The following SND1 variants were observed in gnomAD, a reference collection of about 807,000 sequenced individuals.
The protein encoded by SND1 is staphylococcal nuclease domain-containing protein 1.
Under a neutral mutation model 121.7 loss-of-function variants are expected in SND1, and 38 were observed. The observed-to-expected ratio is 0.31, with a 90% CI of 0.24 to 0.41. The LOEUF (loss-of-function observed/expected upper bound fraction) is 0.41, where lower values mean the gene tolerates loss of function less well. Among genes scored for constraint, SND1 ranks in the 10% least tolerant of loss-of-function variants. The pLI is 1.00. For synonymous variants in SND1, 401 were observed against 447.4 expected (o/e 0.90, Z 1.31); for missense variants, 868 against 1,184.6 (o/e 0.73, Z 3.92).
chr7:127,932,412 G>A (rs913646647), intron 15 of SND1, among the ~76,000 whole-genome samples: 22 of 152,228 alleles, frequency 1.4e-4, no homozygotes, highest in African/African-American at 5.1e-4. Flanking sequence ...ATGAAGAGTT[G>A]CATCTTATAA....
chr7:127,710,010 G>A (rs1796270810), intron 9 of SND1, among the ~76,000 whole-genome samples: 1 of 149,892 alleles, frequency 6.7e-6, no homozygotes, highest in Non-Finnish European at 1.5e-5. Context: ...TTTTAACAAA[G>A]TTGATCATAG....
intron 15 of SND1, among the ~76,000 whole-genome samples, chr7:127,945,216 T>C (rs989380477): frequency 3.9e-5 from 6 of 152,208 alleles, no homozygotes; most frequent in African/African-American, 9.7e-5. Flanking sequence ...AGAAAGGCTG[T>C]GCGTGGTGGC....
At chr7:127,769,134 G>T (rs1364534575) in intron 10 of SND1, among the ~76,000 whole-genome samples, 2 of 152,206 alleles carry the variant, frequency 1.3e-5, no homozygotes, top group Admixed American at 1.3e-4. Flanking sequence ...ACTGAACTGG[G>T]GATAGTGAGG....
intron 12 of SND1, among the ~76,000 whole-genome samples, chr7:127,870,331 T>C (rs1799560287): frequency 6.6e-6 from 1 of 152,172 alleles, no homozygotes; most frequent in Non-Finnish European, 1.5e-5. Flanking sequence ...GCTACTTGTC[T>C]TTTTCGAGTA....
At chr7:128,007,278 G>A (rs896734203) in intron 16 of SND1, among the ~76,000 whole-genome samples, 1 of 152,172 alleles carries the variant, frequency 6.6e-6, no homozygotes, top group Non-Finnish European at 1.5e-5. Flanking sequence ...AGTGGCAAGA[G>A]GGAGGGAAAA....
intron 13 of SND1, among the ~76,000 whole-genome samples, chr7:127,893,587 T>G (rs74450453): frequency 2.0e-5 from 3 of 152,224 alleles, no homozygotes; most frequent in Non-Finnish European, 4.4e-5. Context: ...AGGAAAGCAA[T>G]TGTATTGAAC....
chr7:127,767,621 TAAC>T (rs1797444844), intron 10 of SND1, among the ~76,000 whole-genome samples: 1 of 152,236 alleles, frequency 6.6e-6, no homozygotes, highest in South Asian at 2.1e-4. Flanking sequence ...GAGGTTCTAA[TAAC>T]TCTTAGGTTC....
At chr7:127,989,438 C>A (rs1802470228) in intron 15 of SND1, among the ~76,000 whole-genome samples, 1 of 152,136 alleles carries the variant, frequency 6.6e-6, no homozygotes, top group Non-Finnish European at 1.5e-5. Flanking sequence ...AGCTTTGTCA[C>A]CTTGAATCAA....
intron 17 of SND1, among the ~76,000 whole-genome samples, chr7:128,076,388 C>T (rs1793506756): frequency 6.6e-6 from 1 of 152,202 alleles, no homozygotes; most frequent in South Asian, 2.1e-4. Flanking sequence ...AATTAAAATG[C>T]AGTGCACAAC....
intron 12 of SND1, among the ~76,000 whole-genome samples, chr7:127,875,250 T>G (rs1799667695): frequency 6.6e-6 from 1 of 152,102 alleles, no homozygotes; most frequent in South Asian, 2.1e-4. Flanking sequence ...AGCTAGCCAA[T>G]AAATATTTAT....
chr7:127,792,789 G>C (rs916634051), intron 10 of SND1, among the ~76,000 whole-genome samples: 1 of 152,168 alleles, frequency 6.6e-6, no homozygotes, highest in Admixed American at 6.5e-5. Context: ...GTTTCTGGGA[G>C]TGTTGGGAAG....
intron 10 of SND1, among the ~76,000 whole-genome samples, chr7:127,723,112 T>C (rs1045230805): frequency 1.3e-5 from 2 of 152,192 alleles, no homozygotes; most frequent in Admixed American, 6.5e-5. Flanking sequence ...ATGTAGACTA[T>C]ATAGCTGAAT....
At chr7:127,878,420 A>G (rs747192581) in intron 12 of SND1, among the ~76,000 whole-genome samples, 2 of 152,170 alleles carry the variant, frequency 1.3e-5, no homozygotes, top group Admixed American at 6.5e-5. Flanking sequence ...TCATGCCTTT[A>G]TGTTGCCATA....
chr7:127,745,459 A>G (rs1796964597), intron 10 of SND1, among the ~76,000 whole-genome samples: 1 of 152,202 alleles, frequency 6.6e-6, no homozygotes, highest in Non-Finnish European at 1.5e-5. Flanking sequence ...GACTTGATTC[A>G]GATTTTTTTG....
intron 12 of SND1, chr7:127,858,469 G>GC: frequency 8.0e-6 from 5 of 623,736 alleles, no homozygotes; most frequent in Non-Finnish European, 1.5e-5. Context: ...CTGAGGCCTG[G>GC]CGTGGGGTCT....
intron 1 of SND1, among the ~76,000 whole-genome samples, chr7:127,684,996 A>G (rs758667590): frequency 5.9e-5 from 9 of 152,210 alleles, no homozygotes; most frequent in African/African-American, 9.6e-5. Context: ...GAATTGTGAT[A>G]TATTCGTACA....
intron 14 of SND1, among the ~76,000 whole-genome samples, chr7:127,914,283 C>T (rs750933987): frequency 1.3e-5 from 2 of 152,176 alleles, no homozygotes; most frequent in South Asian, 2.1e-4. Flanking sequence ...TTGACTGACT[C>T]GGACTTCATT....
chr7:127,703,034 A>C, intron 6 of SND1, 131 bp from the exon 7 acceptor site: 1 of 919,010 alleles, frequency 1.1e-6, no homozygotes. Flanking sequence ...TTTAAATTAG[A>C]AGGACTGATT....
chr7:128,004,296 A>C (rs1187619990), intron 16 of SND1, among the ~76,000 whole-genome samples: 3 of 152,174 alleles, frequency 2.0e-5, no homozygotes, highest in Non-Finnish European at 2.9e-5. Context: ...GAATGCTAAA[A>C]GGTGAATACT....
Sources: allele counts gnomAD v4.1 joint callset (sites outside exome capture counted in the v4.1 genomes callset), GRCh38; gene constraint gnomAD v4.1.1; transcripts MANE v1.5; gene names NCBI Gene and HGNC (gene_info 2026-07-23, HGNC 2026-07-21).